Variants in FGFR2 observed in about 807,000 individuals in gnomAD.
The protein encoded by FGFR2 is fibroblast growth factor receptor 2.
A neutral mutation model predicts 95.9 loss-of-function variants in FGFR2; 19 were observed. That is an observed-to-expected ratio of 0.20 (90% CI 0.14 to 0.29). The LOEUF (loss-of-function observed/expected upper bound fraction) is 0.29. Among genes scored for constraint, FGFR2 ranks in the 10% least tolerant of loss-of-function variants. FGFR2 has a pLI of 1.00. For missense variants in FGFR2, 707 were observed against 1,056.9 expected, an observed-to-expected ratio of 0.67 and a Z score of 4.59; for synonymous variants, 392 against 393.3, an observed-to-expected ratio of 1.00 and a Z score of 0.04.
intron 2 of FGFR2, among the ~76,000 whole-genome samples, chr10:121,588,264 G>A (rs1037395869): frequency 6.6e-6 from 1 of 152,144 alleles, no homozygotes; most frequent in Admixed American, 6.5e-5. Flanking sequence ...GGTGGGAGGA[G>A]AGAGAGGAGC....
intron 13 of FGFR2, among the ~76,000 whole-genome samples, chr10:121,491,197 A>G (rs962551288): frequency 6.6e-6 from 1 of 152,148 alleles, no homozygotes; most frequent in African/African-American, 2.4e-5. Flanking sequence ...CGAAAGCCAG[A>G]GTCTAGCGTG....
intron 1 of FGFR2, among the ~76,000 whole-genome samples, chr10:121,595,910 C>T (rs1003210231): frequency 6.6e-6 from 1 of 152,222 alleles, no homozygotes; most frequent in South Asian, 2.1e-4. Flanking sequence ...CCAAACCCCA[C>T]GGCAGCCCCC....
chr10:121,571,658 G>A (rs1858758453), intron 2 of FGFR2, among the ~76,000 whole-genome samples: 2 of 151,338 alleles, frequency 1.3e-5, no homozygotes, highest in African/African-American at 2.4e-5. Context: ...AAACAAAAAC[G>A]ACTGGCCGGG....
At chr10:121,500,404 T>C (rs1413911430) in intron 11 of FGFR2, among the ~76,000 whole-genome samples, 2 of 152,296 alleles carry the variant, frequency 1.3e-5, no homozygotes, top group African/African-American at 4.8e-5. Context: ...TCTGCTCCCT[T>C]ACGTCTCTTC....
rs965812989 is a variant in FGFR2, at chr10:121,478,814, G to C, written c.*1043C>G. On this transcript the variant is annotated 3_prime_UTR_variant, in exon 18 of 18. Transcript: ENST00000358487. Reference sequence around the variant, plus strand: ...TGTGCAACTCAGAAGCAGAAGGCCAGCTGCCAGAGAGAAGCACATTCTGCT... The same window carrying C: ...TGTGCAACTCAGAAGCAGAAGGCCACCTGCCAGAGAGAAGCACATTCTGCT... The C allele has an allele frequency of 4.3e-6, 1 of 233,548 alleles. No individual in the cohort carries two copies. The highest frequency in any genetic ancestry group is 2.2e-5 in the African/African-American group (1 of 45,354). The allele number at this position is 233,548 out of a possible 1,614,324, so 14.5% of individuals were successfully genotyped here.
intron 9 of FGFR2, among the ~76,000 whole-genome samples, chr10:121,504,297 C>T (rs1350574548): frequency 1.3e-5 from 2 of 148,948 alleles, no homozygotes; most frequent in African/African-American, 2.6e-5. Flanking sequence ...TGTACCTGCA[C>T]CTGTACTGGA....
At chr10:121,550,550 C>T (rs1022757346) in intron 5 of FGFR2, among the ~76,000 whole-genome samples, 4 of 152,154 alleles carry the variant, frequency 2.6e-5, no homozygotes, top group African/African-American at 7.2e-5. Flanking sequence ...AGCAGATTGC[C>T]ACTGTCATCT....
intron 8 of FGFR2, among the ~76,000 whole-genome samples, chr10:121,516,994 G>A (rs1849772956): frequency 6.6e-6 from 1 of 152,146 alleles, no homozygotes; most frequent in South Asian, 2.1e-4. Context: ...AAATTACTTT[G>A]AATTTTACCA....
At chr10:121,500,698 C>G (rs997506361) in intron 11 of FGFR2, 128 bp downstream of exon 11, 4 of 1,340,268 alleles carry the variant, frequency 3.0e-6, no homozygotes, top group Middle Eastern at 2.6e-4. Flanking sequence ...CCGAAAACTT[C>G]TCAACCCCTA....
At chr10:121,574,561 AAAAT>A (rs1457325836) in intron 2 of FGFR2, among the ~76,000 whole-genome samples, 1 of 151,886 alleles carries the variant, frequency 6.6e-6, no homozygotes, top group Non-Finnish European at 1.5e-5. Context: ...ATTAAATTAA[AAAAT>A]AAAGGCAATG....
At chr10:121,581,804 T>C (rs1321542618) in intron 2 of FGFR2, among the ~76,000 whole-genome samples, 2 of 149,710 alleles carry the variant, frequency 1.3e-5, no homozygotes, top group African/African-American at 2.5e-5. Flanking sequence ...CAGCAGCAGC[T>C]TCATAGTCCC....
At chr10:121,577,176 T>TAGAGAGAGAGAGAGAGAGAG (rs1278087472) in intron 2 of FGFR2, among the ~76,000 whole-genome samples, 11 of 7,486 alleles carry the variant, frequency 1.5e-3, no homozygotes, top group Admixed American at 2.6e-3. Context: ...TATATATATA[T>TAGAGAGAGAGAGAGAGAGAG]ATAGAGAGAG....
chr10:121,498,196 A>G (rs1425013951), intron 12 of FGFR2, among the ~76,000 whole-genome samples: 2 of 152,160 alleles, frequency 1.3e-5, no homozygotes, highest in Non-Finnish European at 2.9e-5. Context: ...ACAAAACAAA[A>G]ACATAAGGAG....
At chr10:121,519,892 A>G in intron 7 of FGFR2, 87 bp downstream of exon 7, 1 of 1,294,582 alleles carries the variant, frequency 7.7e-7, no homozygotes, top group South Asian at 1.2e-5. Flanking sequence ...ATCCTCTCTC[A>G]ACTCCAACAG....
At chr10:121,557,299 A>G (rs934274601) in intron 4 of FGFR2, among the ~76,000 whole-genome samples, 2 of 152,180 alleles carry the variant, frequency 1.3e-5, no homozygotes, top group East Asian at 3.8e-4. Context: ...GTGATAAAAT[A>G]CCAAAAGCAG....
intron 13 of FGFR2, among the ~76,000 whole-genome samples, chr10:121,495,299 T>C (rs1476718879): frequency 6.6e-6 from 1 of 152,084 alleles, no homozygotes; most frequent in African/African-American, 2.4e-5. Context: ...TGAAAAAATG[T>C]TTTTAAAGTT....
chr10:121,506,096 G>A (rs1234138670), intron 9 of FGFR2, among the ~76,000 whole-genome samples: 2 of 152,070 alleles, frequency 1.3e-5, no homozygotes, highest in African/African-American at 4.8e-5. Flanking sequence ...GGTGGCTCAC[G>A]CCGTAATCTC....
At chr10:121,511,631 G>A (rs960150333) in intron 9 of FGFR2, among the ~76,000 whole-genome samples, 27 of 152,196 alleles carry the variant, frequency 1.8e-4, no homozygotes, top group Non-Finnish European at 5.9e-5. Context: ...GGGCACCAAA[G>A]GAGTGGGAGT....
At chr10:121,519,445 T>A (rs925111714) in intron 7 of FGFR2, among the ~76,000 whole-genome samples, 2 of 152,218 alleles carry the variant, frequency 1.3e-5, no homozygotes, top group East Asian at 1.9e-4. Context: ...CTGAATGGAT[T>A]TCAAAGGTCA....
Sources: allele counts gnomAD v4.1 joint callset (sites outside exome capture counted in the v4.1 genomes callset), GRCh38; gene constraint gnomAD v4.1.1; transcripts MANE v1.5; gene names NCBI Gene and HGNC (gene_info 2026-07-23, HGNC 2026-07-21).